Variants in EYA1 observed in about 807,000 individuals in gnomAD.
The protein encoded by EYA1 is EYA transcriptional coactivator and phosphatase 1.
In EYA1, 16 loss-of-function variants were observed where a neutral mutation model predicts 82.0. The observed-to-expected ratio is 0.20, with a 90% CI of 0.13 to 0.30. The LOEUF (loss-of-function observed/expected upper bound fraction) is 0.30, where lower values mean the gene tolerates loss of function less well. Ranked by LOEUF, EYA1 falls within the 10% of genes least tolerant of loss-of-function variation. EYA1 has a pLI of 1.00. For missense variants in EYA1, 633 were observed against 730.7 expected (o/e 0.87, Z 1.54); for synonymous variants, 261 against 264.4 (o/e 0.99, Z 0.12).
chr8:71,209,715 C>CATTT (rs375029399), intron 17 of EYA1, among the ~76,000 whole-genome samples: 1 of 152,220 alleles, frequency 6.6e-6, no homozygotes, highest in Non-Finnish European at 1.5e-5. Flanking sequence ...GATATTGTAT[C>CATTT]ATTTATGGAA....
intron 17 of EYA1, among the ~76,000 whole-genome samples, chr8:71,202,815 T>A: frequency 6.6e-6 from 1 of 152,126 alleles, no homozygotes; most frequent in East Asian, 1.9e-4. Flanking sequence ...GTAGACTTCT[T>A]TAAGAAATGC....
intron 2 of EYA1, among the ~76,000 whole-genome samples, chr8:71,455,363 A>G (rs1312738367): frequency 6.6e-6 from 1 of 152,190 alleles, no homozygotes; most frequent in Non-Finnish European, 1.5e-5. Context: ...TTCTGAAACT[A>G]TTCCAATCAA....
At chr8:71,413,729 T>C (rs1302008126) in intron 2 of EYA1, among the ~76,000 whole-genome samples, 1 of 152,256 alleles carries the variant, frequency 6.6e-6, no homozygotes, top group African/African-American at 2.4e-5. Flanking sequence ...TGTTTTCGCT[T>C]GACAGCAGTG....
intron 7 of EYA1, among the ~76,000 whole-genome samples, chr8:71,301,913 G>GTT (rs138671964): frequency 6.8e-6 from 1 of 147,424 alleles, no homozygotes; most frequent in African/African-American, 2.5e-5. Flanking sequence ...ACCAGTTTTT[G>GTT]TTTTTTTTTT....
At chr8:71,393,198 A>G (rs912536313) in intron 2 of EYA1, among the ~76,000 whole-genome samples, 46 of 152,294 alleles carry the variant, frequency 3.0e-4, no homozygotes, top group African/African-American at 9.4e-4. Context: ...ATAAAATTTA[A>G]TGAGTTCATA....
chr8:71,495,505 G>T (rs577827943), intron 2 of EYA1, among the ~76,000 whole-genome samples: 1 of 152,208 alleles, frequency 6.6e-6, no homozygotes, highest in African/African-American at 2.4e-5. Context: ...CCAGCTACTC[G>T]GGAGGCTGAG....
intron 1 of EYA1, among the ~76,000 whole-genome samples, chr8:71,538,373 A>G (rs1814878175): frequency 6.6e-6 from 1 of 150,900 alleles, no homozygotes; most frequent in Admixed American, 6.6e-5. Context: ...GAATGAATGA[A>G]TAAAATGAAT....
At chr8:71,265,281 TC>T (rs1417157308) in intron 11 of EYA1, among the ~76,000 whole-genome samples, 1 of 152,190 alleles carries the variant, frequency 6.6e-6, no homozygotes, top group Non-Finnish European at 1.5e-5. Flanking sequence ...CTCTAACCTC[TC>T]CCGTTTCAAT....
intron 2 of EYA1, among the ~76,000 whole-genome samples, chr8:71,418,775 G>A (rs1830990750): frequency 6.6e-6 from 1 of 152,174 alleles, no homozygotes; most frequent in Non-Finnish European, 1.5e-5. Flanking sequence ...TGAGTGCTGT[G>A]AAGAAGGAAG....
At chr8:71,371,422 C>T (rs1366793767) in intron 2 of EYA1, among the ~76,000 whole-genome samples, 2 of 152,152 alleles carry the variant, frequency 1.3e-5, no homozygotes, top group Non-Finnish European at 2.9e-5. Flanking sequence ...AGTATTCAGA[C>T]CAGCCCCAAA....
At chr8:71,384,438 G>C (rs536767384) in intron 2 of EYA1, among the ~76,000 whole-genome samples, 4 of 152,276 alleles carry the variant, frequency 2.6e-5, no homozygotes, top group African/African-American at 9.6e-5. Context: ...TCTCTGACCA[G>C]TGCAGGCCAG....
chr8:71,210,599 A>G (rs982462863), intron 17 of EYA1, among the ~76,000 whole-genome samples: 3 of 152,212 alleles, frequency 2.0e-5, no homozygotes, highest in African/African-American at 7.2e-5. Flanking sequence ...ATGAACAGCA[A>G]TGGGCAAAGC....
intron 2 of EYA1, among the ~76,000 whole-genome samples, chr8:71,490,773 C>T (rs907517008): frequency 6.6e-6 from 1 of 152,128 alleles, no homozygotes; most frequent in Non-Finnish European, 1.5e-5. Context: ...AGAAAAGAAT[C>T]CACAACTTGA....
chr8:71,297,379 C>T (rs1439808132), intron 9 of EYA1, among the ~76,000 whole-genome samples: 2 of 151,962 alleles, frequency 1.3e-5, no homozygotes, highest in African/African-American at 4.8e-5. Flanking sequence ...CAAAAAAGCT[C>T]TAATCAACCT....
chr8:71,472,929 A>G (rs1809344241), intron 2 of EYA1, among the ~76,000 whole-genome samples: 1 of 151,684 alleles, frequency 6.6e-6, no homozygotes, highest in African/African-American at 2.4e-5. Context: ...AGAAGAGTAT[A>G]TAATTGTTAA....
At chr8:71,422,643 C>T (rs1156783973) in intron 2 of EYA1, among the ~76,000 whole-genome samples, 1 of 152,064 alleles carries the variant, frequency 6.6e-6, no homozygotes, top group African/African-American at 2.4e-5. Context: ...TTCAGCATGG[C>T]TGGGGAGGCC....
rs138434629 is a variant in EYA1 at position 71,399,473 on chromosome 8, A to G, written c.34-42962T>C. On this transcript the variant is annotated intron_variant, in intron 2 of 18. Transcript: ENST00000643681. The stretch of plus-strand genomic sequence containing the variant: ...ATGTGGTTATATCTCCTTATGTGAC[A>G]TATCTTTGTTTTAACTTTCCCTTTC... Among the ~76,000 whole-genome samples, 304 of 152,274 alleles carry G rather than the reference A, an allele frequency of 2.0e-3. 2 individuals carry two copies. Among genetic ancestry groups the G allele is most frequent in the African/African-American group, 6.8e-3 (283 of 41,546 alleles).
intron 11 of EYA1, among the ~76,000 whole-genome samples, chr8:71,262,411 G>C (rs1815239924): frequency 6.6e-6 from 1 of 152,082 alleles, no homozygotes; most frequent in African/African-American, 2.4e-5. Context: ...ATGGTTTCCT[G>C]CTTCCTCCTC....
At chr8:71,205,454 A>AGAC (rs1310052843) in intron 17 of EYA1, among the ~76,000 whole-genome samples, 1 of 152,222 alleles carries the variant, frequency 6.6e-6, no homozygotes, top group Admixed American at 6.5e-5. Context: ...TGACAACAAA[A>AGAC]GACATACGTC....
Sources: allele counts gnomAD v4.1 joint callset (sites outside exome capture counted in the v4.1 genomes callset), GRCh38; gene constraint gnomAD v4.1.1; transcripts MANE v1.5; gene names NCBI Gene and HGNC (gene_info 2026-07-23, HGNC 2026-07-21).